Variants in AMZ2 observed in about 807,000 individuals in gnomAD.
The protein encoded by AMZ2 is archaelysin family metallopeptidase 2.
In AMZ2, 26 loss-of-function variants were observed where a neutral mutation model predicts 36.7. That is an observed-to-expected ratio of 0.71 (90% confidence interval 0.52 to 0.98). The LOEUF is 0.98. AMZ2 is among the 50% of genes least tolerant of loss of function. The probability of loss-of-function intolerance (pLI) is 0.00; values close to 1 mark genes in which losing one functional copy is unlikely to be tolerated. For missense variants in AMZ2, 394 were observed against 430.5 expected (o/e 0.92, Z 0.75); for synonymous variants, 144 against 149.1 (o/e 0.97, Z 0.25).
chr17:68,256,415 A>C (rs2074908137), intron 6 of AMZ2, among the ~76,000 whole-genome samples: 1 of 152,226 alleles, frequency 6.6e-6, no homozygotes, highest in Non-Finnish European at 1.5e-5. Flanking sequence ...ATGTCTACAC[A>C]TGTGTTTTCA....
Position 68,254,309 on chromosome 17 carries a change from A to C in AMZ2, c.587-95A>C, listed in dbSNP as rs1160862621. The C allele has an allele frequency of 1.2e-5, 15 of 1,225,296 alleles. No individual in the cohort carries two copies. In the African/African-American group the frequency reaches 2.0e-4, roughly 16 times the overall value. The allele number at this position is 1,225,296 out of a possible 1,614,324, so 75.9% of individuals were successfully genotyped here. A position where few individuals can be genotyped will look rare whatever the true frequency, so the allele number is the denominator to read the frequency against. On this transcript the variant is annotated intron_variant, in intron 4 of 6. Transcript: ENST00000359904. Reference sequence around the variant, plus strand: ...TGTGGACACAGTGACACAGAGATGCACTCACTGGCCAGATGGGCCAGCAGT... The same window carrying C: ...TGTGGACACAGTGACACAGAGATGCCCTCACTGGCCAGATGGGCCAGCAGT...
intron 2 of AMZ2, 60 bp from the exon 3 acceptor site, chr17:68,250,733 AC>A (rs1421272383): frequency 7.0e-7 from 1 of 1,426,080 alleles, no homozygotes; most frequent in Non-Finnish European, 9.5e-7. Context: ...TTACTCATAG[AC>A]TGGGTAAACA....
chr17:68,221,209 T>TCCCCCCCCCCCCCCCCCCCCCCCCC (rs55937321), intron 1 of AMZ2, among the ~76,000 whole-genome samples: 1 of 66,778 alleles, frequency 1.5e-5, no homozygotes, highest in Non-Finnish European at 2.7e-5. Context: ...AGCCCTCAGC[T>TCCCCCCCCCCCCCCCCCCCCCCCCC]CCCCCCCCCG....
At chr17:68,247,520 C>G (rs1334596945), upstream of AMZ2, 6 of 645,548 alleles carry the variant, frequency 9.3e-6, no homozygotes, top group Non-Finnish European at 1.2e-5. Flanking sequence ...AGGGACGCCA[C>G]GAGGACGCGC....
In AMZ2 at chr17:68,209,600, GTGTGTATATGTATA is replaced by G. The variant is rs1458353264; in HGVS notation, c.-67+3364_-67+3377del. On this transcript the variant is annotated intron_variant, in intron 1 of 7. Coordinates refer to the AMZ2 transcript ENST00000674770. ...ATTGTGGGTGTGTGTGTGTGTGTGT[GTGTGTATATGTATA>G]TATATATATATATATATATTTTTTT... Among the ~76,000 whole-genome samples, 38 of 121,186 alleles carry G rather than the reference GTGTGTATATGTATA, an allele frequency of 3.1e-4. 2 individuals carry two copies. The highest frequency in any genetic ancestry group is 4.2e-3 in the Middle Eastern group (1 of 236). The allele number at this position is 121,186 out of a possible 152,430, so 79.5% of individuals were successfully genotyped here.
At chr17:68,248,949 T>C in intron 1 of AMZ2, 1 of 732,478 alleles carries the variant, frequency 1.4e-6, no homozygotes, top group Non-Finnish European at 1.8e-6. Context: ...ATCTAAATAA[T>C]TAGAAAATAT....
chr17:68,214,025 A>G (rs1168964774), intron 1 of AMZ2, among the ~76,000 whole-genome samples: 2 of 141,824 alleles, frequency 1.4e-5, no homozygotes, highest in Non-Finnish European at 3.1e-5. Flanking sequence ...TTCTGAGGCT[A>G]TTAATGACAG....
At chr17:68,236,344 A>G (rs73349656) in intron 1 of AMZ2, among the ~76,000 whole-genome samples, 9,110 of 152,036 alleles carry the variant, frequency 0.06, 483 homozygotes, top group Admixed American at 0.13. Flanking sequence ...ACATGATATT[A>G]TACTATGTAT....
chr17:68,253,087 C>A (rs1425204328), intron 4 of AMZ2, among the ~76,000 whole-genome samples: 1 of 151,850 alleles, frequency 6.6e-6, no homozygotes, highest in Admixed American at 6.6e-5. Flanking sequence ...GCATTGACTA[C>A]GAAAAAAATA....
At chr17:68,240,453 CCATA>C (rs2073878693) in intron 1 of AMZ2, among the ~76,000 whole-genome samples, 1 of 151,986 alleles carries the variant, frequency 6.6e-6, no homozygotes, top group Non-Finnish European at 1.5e-5. Context: ...TAATTGATGA[CCATA>C]GTACAAAAAG....
At chr17:68,242,058 A>C (rs1258221477) in intron 1 of AMZ2, among the ~76,000 whole-genome samples, 2 of 151,992 alleles carry the variant, frequency 1.3e-5, no homozygotes, top group African/African-American at 2.4e-5. Flanking sequence ...TAGTAATTTT[A>C]AAATAAAGTC....
intron 1 of AMZ2, among the ~76,000 whole-genome samples, chr17:68,226,049 T>C (rs2073507800): frequency 6.6e-6 from 1 of 152,174 alleles, no homozygotes; most frequent in African/African-American, 2.4e-5. Context: ...CTGTGGTCTC[T>C]GCCTGAAGCT....
chr17:68,212,704 TTA>T (rs34770062), intron 1 of AMZ2, among the ~76,000 whole-genome samples: 35,037 of 151,792 alleles, frequency 0.23, 4,304 homozygotes, highest in South Asian at 0.29. Context: ...GTAGCTAGGA[TTA>T]TACAGGTGCA....
chr17:68,257,074 A>G lies in AMZ2; in HGVS notation c.*105A>G. On this transcript the variant is annotated 3_prime_UTR_variant, in exon 7 of 7. Coordinates refer to ENST00000359904, the MANE Select transcript of AMZ2 (RefSeq NM_016627.5). ...TAAACTACTGATCTTGTGCTGTGTC[A>G]AAGTAACAGACTAGAACCTTCTTTC... The G allele has an allele frequency of 4.9e-6, 6 of 1,234,464 alleles. No individual in the cohort carries two copies. Among genetic ancestry groups the G allele is most frequent in the Non-Finnish European group, 6.7e-6 (6 of 891,494 alleles). 76.5% of individuals were successfully genotyped at this position (1,234,464 alleles called of 1,614,324 possible). A position where few individuals can be genotyped will look rare whatever the true frequency, so the allele number is the denominator to read the frequency against.
At chr17:68,252,856 A>G (rs1458879697) in intron 4 of AMZ2, among the ~76,000 whole-genome samples, 1 of 152,230 alleles carries the variant, frequency 6.6e-6, no homozygotes, top group Non-Finnish European at 1.5e-5. Context: ...ATGTTCGTTT[A>G]TCTAGATATT....
chr17:68,248,987 C>T (rs2144700120), intron 1 of AMZ2: 1 of 931,738 alleles, frequency 1.1e-6, no homozygotes. Flanking sequence ...CAGAGATGTT[C>T]AACTTTTTCC....
intron 1 of AMZ2, among the ~76,000 whole-genome samples, chr17:68,210,966 G>A (rs1179620117): frequency 7.0e-6 from 1 of 143,496 alleles, no homozygotes; most frequent in Admixed American, 7.1e-5. Context: ...AAGGGGGGGG[G>A]GGAGGTGGTT....
At chr17:68,221,222 C>CT (rs71142150) in intron 1 of AMZ2, among the ~76,000 whole-genome samples, 1 of 85,586 alleles carries the variant, frequency 1.2e-5, no homozygotes, top group Admixed American at 1.1e-4. Context: ...CCCCCCCGCC[C>CT]CCCCGGTAGC....
chr17:68,247,952 C>T (rs529792440), upstream of AMZ2: 5 of 984,638 alleles, frequency 5.1e-6, no homozygotes, highest in Non-Finnish European at 6.0e-6. Flanking sequence ...ATGGGTGGGT[C>T]GTGAGTTGGG....
Sources: allele counts gnomAD v4.1 joint callset (sites outside exome capture counted in the v4.1 genomes callset), GRCh38; gene constraint gnomAD v4.1.1; transcripts MANE v1.5; gene names NCBI Gene and HGNC (gene_info 2026-07-23, HGNC 2026-07-21).